The following STAT5B variants were observed in gnomAD, a reference collection of about 807,000 sequenced individuals.
STAT5B encodes transcription factor STAT5B.
A neutral mutation model predicts 107.8 loss-of-function variants in STAT5B; 21 were observed. The observed-to-expected ratio is 0.19, with a 90% CI of 0.14 to 0.28. STAT5B has a LOEUF of 0.28. Ranked by LOEUF, STAT5B falls within the 10% of genes least tolerant of loss-of-function variation. The probability of loss-of-function intolerance (pLI) is 1.00; values close to 1 mark genes in which losing one functional copy is unlikely to be tolerated. For synonymous variants in STAT5B, 325 were observed against 401.7 expected (o/e 0.81, Z 2.28); for missense variants, 565 against 1,008.2 (o/e 0.56, Z 5.95).
chr17:42,215,086 G>A (rs116871563), intron 12 of STAT5B, among the ~76,000 whole-genome samples: 1 of 152,288 alleles, frequency 6.6e-6, no homozygotes, highest in Non-Finnish European at 1.5e-5. Context: ...ATGCTAGTGG[G>A]ATTCAGATAG....
intron 15 of STAT5B, among the ~76,000 whole-genome samples, chr17:42,208,992 C>A (rs1219329189): frequency 6.6e-6 from 1 of 151,230 alleles, no homozygotes; most frequent in Non-Finnish European, 1.5e-5. Context: ...CTTGGCCTCC[C>A]AAAGTGCTGG....
chr17:42,240,612 T>A (rs2080393980), intron 1 of STAT5B, among the ~76,000 whole-genome samples: 1 of 152,116 alleles, frequency 6.6e-6, no homozygotes, highest in South Asian at 2.1e-4. Context: ...AGGGTGAATT[T>A]TATAGTGCGT....
chr17:42,228,414 GTTCC>G lies in STAT5B; in HGVS notation c.129-733_129-730del, dbSNP rs1438338737. ...TTTCCTTCTTTCCTTCTTTCCTTCC[GTTCC>G]TTCCTTCCTTTCTACTACTTAGGCA... On this transcript the variant is annotated intron_variant, in intron 2 of 18. Transcript: ENST00000293328. Among the ~76,000 whole-genome samples the G allele has an allele frequency of 2.0e-5, 3 of 151,754 alleles. No homozygotes were observed. The East Asian group carries it at 5.8e-4, about 29-fold the overall frequency.
At chr17:42,219,247 G>A (rs904009304) in intron 7 of STAT5B, 65 bp downstream of exon 7, 156 of 1,569,962 alleles carry the variant, frequency 9.9e-5, no homozygotes, top group Middle Eastern at 6.9e-4. Context: ...AGCACAGGAC[G>A]CAGAAGCAGC....
the STAT5B span, among the ~76,000 whole-genome samples, chr17:42,284,848 A>G: frequency 6.6e-6 from 1 of 152,200 alleles, no homozygotes; most frequent in Admixed American, 6.5e-5. Context: ...TACTGGCCAG[A>G]CAGCTTTGGG....
the STAT5B span, among the ~76,000 whole-genome samples, chr17:42,286,491 C>A: frequency 6.6e-6 from 1 of 152,204 alleles, no homozygotes; most frequent in Non-Finnish European, 1.5e-5. Context: ...TAAAGCCAAG[C>A]CCGGCCCAAC....
intron 12 of STAT5B, among the ~76,000 whole-genome samples, chr17:42,215,321 G>A (rs2080162518): frequency 6.6e-6 from 1 of 152,300 alleles, no homozygotes; most frequent in African/African-American, 2.4e-5. Context: ...CCCATTCATA[G>A]TTTCACCCAA....
intron 1 of STAT5B, among the ~76,000 whole-genome samples, chr17:42,256,804 G>T (rs920725894): frequency 2.8e-5 from 4 of 142,774 alleles, no homozygotes; most frequent in Admixed American, 7.2e-5. Flanking sequence ...AGAGCGTGCA[G>T]TGAACGGAGA....
At chr17:42,226,808 CAA>C (rs767274248) in intron 3 of STAT5B, among the ~76,000 whole-genome samples, 15 of 47,612 alleles carry the variant, frequency 3.2e-4, no homozygotes, top group Admixed American at 5.0e-4. Flanking sequence ...AACTCCATCT[CAA>C]AAAAAAAAAA....
At position 42,207,720 on chromosome 17, in the gene STAT5B, T is replaced by C. The variant is rs1315344365; in HGVS notation, c.1915A>G (p.Met639Val). The C allele has an allele frequency of 6.2e-7, 1 of 1,614,040 alleles. No individual in the cohort carries two copies. Among genetic ancestry groups the C allele is most frequent in the African/African-American group, 1.3e-5 (1 of 74,916 alleles). Residue 639 changes from methionine to valine, a missense_variant, in exon 16 of 19, where the codon ATG becomes GTG. Physicochemically the swap from Met to Val is conservative, Grantham distance 21. Coordinates refer to ENST00000293328, the MANE Select transcript of STAT5B (RefSeq NM_012448.4). ...IAWKFDSQER[M>V]FWNLMPFTTR... is the part of the protein sequence containing the mutation. ...GTAAAAGGCATCAGATTCCAAAACA[T>C]TCTTTCCTCTAGATCAATAAACAGA...
intron 3 of STAT5B, among the ~76,000 whole-genome samples, chr17:42,226,678 T>G (rs1403353866): frequency 6.6e-6 from 1 of 151,210 alleles, no homozygotes; most frequent in Non-Finnish European, 1.5e-5. Context: ...TGTGGTGGCA[T>G]GCACCTGTAG....
At chr17:42,214,718 T>C in intron 12 of STAT5B, 2 of 886,848 alleles carry the variant, frequency 2.3e-6, no homozygotes, top group Non-Finnish European at 2.7e-6. Context: ...TAATCTCTAT[T>C]GGAAATATGT....
chr17:42,244,210 CCT>C (rs1413751173), intron 1 of STAT5B, among the ~76,000 whole-genome samples: 1 of 151,632 alleles, frequency 6.6e-6, no homozygotes, highest in African/African-American at 2.4e-5. Context: ...CCCTTAGCCC[CCT>C]GAGTAGCTGG....
chr17:42,207,941 T>C (rs1222986909), intron 15 of STAT5B, among the ~76,000 whole-genome samples: 1 of 152,130 alleles, frequency 6.6e-6, no homozygotes, highest in African/African-American at 2.4e-5. Flanking sequence ...TGTTACCAGG[T>C]TGGAGTGCAG....
chr17:42,244,625 T>C (rs2080435430), intron 1 of STAT5B, among the ~76,000 whole-genome samples: 1 of 152,130 alleles, frequency 6.6e-6, no homozygotes, highest in Admixed American at 6.5e-5. Flanking sequence ...GTTACCAATA[T>C]TTTCCCTATT....
chr17:42,208,673 T>C (rs913778716), intron 15 of STAT5B, among the ~76,000 whole-genome samples: 1 of 151,724 alleles, frequency 6.6e-6, no homozygotes, highest in South Asian at 2.1e-4. Flanking sequence ...CATACAAAGA[T>C]ATATAAAAGC....
intron 4 of STAT5B, among the ~76,000 whole-genome samples, chr17:42,224,188 A>G (rs941562093): frequency 6.6e-6 from 1 of 152,176 alleles, no homozygotes; most frequent in Non-Finnish European, 1.5e-5. Context: ...GGGCTAGGGA[A>G]AAGTCTTTCC....
At chr17:42,250,706 T>C (rs993626434) in intron 1 of STAT5B, among the ~76,000 whole-genome samples, 4 of 151,928 alleles carry the variant, frequency 2.6e-5, no homozygotes, top group Non-Finnish European at 2.9e-5. Flanking sequence ...GGGCGGATCA[T>C]GAGGTCAGGA....
At chr17:42,223,193 G>A (rs2080244848) in intron 5 of STAT5B, among the ~76,000 whole-genome samples, 189 bp downstream of exon 5, 1 of 152,072 alleles carries the variant, frequency 6.6e-6, no homozygotes, top group South Asian at 2.1e-4. Flanking sequence ...TAAGCGGGGG[G>A]TCCTGTCATC....
Sources: gnomAD v4.1 joint callset for allele counts (sites outside exome capture counted in the v4.1 genomes callset) on GRCh38, gnomAD v4.1.1 for gene constraint, MANE v1.5 for transcripts, NCBI Gene and HGNC (gene_info 2026-07-23, HGNC 2026-07-21) for gene names.